The following UTRN variants were observed in gnomAD, a reference collection of about 807,000 sequenced individuals.
UTRN encodes the protein utrophin.
UTRN carries 283 observed loss-of-function variants against 463.9 expected under a neutral mutation model. The ratio of observed to expected loss-of-function variants is 0.61; its 90% confidence interval spans 0.55 to 0.67. The LOEUF is 0.67. Among genes scored for constraint, UTRN ranks in the 30% least tolerant of loss-of-function variants. UTRN has a pLI of 0.00. For synonymous variants in UTRN, 1,442 were observed against 1,431.5 expected (o/e 1.01, Z -0.17); for missense variants, 3,922 against 4,084.3 (o/e 0.96, Z 1.08).
At position 144,714,586 on chromosome 6, in the gene UTRN, A is replaced by C. The variant is rs1786175599; in HGVS notation, c.7809+14343A>C. Among the ~76,000 whole-genome samples the C allele has an allele frequency of 2.0e-5, 3 of 152,320 alleles. No individual in the cohort carries two copies. In the South Asian group the frequency reaches 6.2e-4, roughly 32 times the overall value. The stretch of plus-strand genomic sequence containing the variant: ...TTGAGATTCTTAGTAATATTTGGAC[A>C]AGGGGCCCTGTTACACTGAGGTCTG... On this transcript the variant is annotated intron_variant, in intron 53 of 74. Transcript: ENST00000367545.
intron 12 of UTRN, among the ~76,000 whole-genome samples, 184 bp from the exon 13 acceptor site, chr6:144,440,167 GT>G (rs1432504785): frequency 6.6e-6 from 1 of 152,156 alleles, no homozygotes; most frequent in Non-Finnish European, 1.5e-5. Flanking sequence ...AACTGCCTTT[GT>G]TGATAATGGA....
chr6:144,504,498 G>C (rs1429885839), intron 34 of UTRN, among the ~76,000 whole-genome samples: 1 of 152,040 alleles, frequency 6.6e-6, no homozygotes, highest in Non-Finnish European at 1.5e-5. Flanking sequence ...TGAGATAATC[G>C]TGGTTTGTGT....
intron 2 of UTRN, chr6:144,398,052 G>T: frequency 4.2e-6 from 1 of 238,498 alleles, no homozygotes; most frequent in South Asian, 7.4e-5. Context: ...ATTGGCATTT[G>T]TATTTCAATA....
chr6:144,470,703 C>G (rs949998648), intron 23 of UTRN, among the ~76,000 whole-genome samples: 1 of 151,874 alleles, frequency 6.6e-6, no homozygotes, highest in Non-Finnish European at 1.5e-5. Context: ...TGTAGCGAGC[C>G]GAGATCACGC....
Position 144,364,601 on chromosome 6 carries a change from C to T in UTRN, c.80-38522C>T, listed in dbSNP as rs73780544. On this transcript the variant is annotated intron_variant, in intron 2 of 74. Transcript: ENST00000367545. ...GACTGAGAAGCGTTGCAGATGAGTC[C>T]GTGTATTTGTTTCATTTTGTGATTG... is the stretch of plus-strand genomic sequence containing the variant. 5.9e-5 allele frequency among the ~76,000 whole-genome samples: 9 copies of T among 152,164 alleles called. No individual in the cohort carries two copies. In the South Asian group the frequency reaches 6.2e-4, roughly 11 times the overall value.
At chr6:144,604,039 A>G (rs1562636478) in intron 51 of UTRN, among the ~76,000 whole-genome samples, 1 of 152,110 alleles carries the variant, frequency 6.6e-6, no homozygotes. Flanking sequence ...CTTCCTTGTA[A>G]TTCCAGATCC....
At chr6:144,731,855 ATTTCT>A (rs1788559238) in intron 54 of UTRN, among the ~76,000 whole-genome samples, 1 of 132,676 alleles carries the variant, frequency 7.5e-6, no homozygotes, top group Non-Finnish European at 1.5e-5. Context: ...CATAATTATT[ATTTCT>A]TTTCTTTTTC....
intron 2 of UTRN, among the ~76,000 whole-genome samples, chr6:144,370,468 G>A (rs1222672056): frequency 1.3e-5 from 2 of 152,208 alleles, no homozygotes; most frequent in African/African-American, 2.4e-5. Flanking sequence ...GATTTCAGAG[G>A]ATGTATGGAA....
chr6:144,762,962 G>A (rs1202716207), intron 58 of UTRN, among the ~76,000 whole-genome samples: 2 of 152,124 alleles, frequency 1.3e-5, no homozygotes, highest in Non-Finnish European at 2.9e-5. Flanking sequence ...TAAGCCTTTA[G>A]TCTTGCTACA....
intron 33 of UTRN, among the ~76,000 whole-genome samples, chr6:144,498,725 G>A (rs1304648203): frequency 6.6e-6 from 1 of 151,912 alleles, no homozygotes; most frequent in East Asian, 1.9e-4. Flanking sequence ...CAGGATCACG[G>A]CTCACTGCAG....
At chr6:144,507,995 G>T (rs1429733059) in intron 34 of UTRN, among the ~76,000 whole-genome samples, 1 of 152,190 alleles carries the variant, frequency 6.6e-6, no homozygotes, top group Non-Finnish European at 1.5e-5. Flanking sequence ...GCTGTGGTGG[G>T]TTCTGCCCAG....
At chr6:144,378,502 A>G (rs1045813098) in intron 2 of UTRN, among the ~76,000 whole-genome samples, 1 of 152,226 alleles carries the variant, frequency 6.6e-6, no homozygotes, top group African/African-American at 2.4e-5. Flanking sequence ...TCTGAAGAGA[A>G]GATGTTTAAA....
chr6:144,447,586 A>G lies in UTRN; in HGVS notation c.1723-16A>G. 1 of 1,610,168 alleles carries G rather than the reference A, an allele frequency of 6.2e-7. No homozygotes were observed. Among genetic ancestry groups the G allele is most frequent in the Non-Finnish European group, 8.5e-7 (1 of 1,179,156 alleles). On this transcript the variant is annotated splice_polypyrimidine_tract_variant and intron_variant, in intron 15 of 74. Transcript: ENST00000367545. Reference sequence around the variant, plus strand: ...CCTGTTAAAAAGAGTCATCTAATAAATATCTGAAATACTAGATTTTGAAGG... The same window carrying G: ...CCTGTTAAAAAGAGTCATCTAATAAGTATCTGAAATACTAGATTTTGAAGG...
At chr6:144,689,652 C>T (rs1277617805) in intron 52 of UTRN, among the ~76,000 whole-genome samples, 1 of 152,214 alleles carries the variant, frequency 6.6e-6, no homozygotes, top group African/African-American at 2.4e-5. Context: ...GTGACCTGTC[C>T]TGAAGTCTCA....
chr6:144,296,298 C>T (rs1008641642), intron 2 of UTRN, among the ~76,000 whole-genome samples: 11 of 152,150 alleles, frequency 7.2e-5, no homozygotes, highest in Non-Finnish European at 1.2e-4. Flanking sequence ...TATGGTGAAC[C>T]GCACATGCGA....
chr6:144,802,893 CA>C, intron 64 of UTRN, 142 bp from the exon 65 acceptor site: 2 of 445,568 alleles, frequency 4.5e-6, no homozygotes, highest in Non-Finnish European at 7.7e-6. Flanking sequence ...CATGTATAAA[CA>C]GATAGAAGCA....
In UTRN at chr6:144,484,759, A is replaced by G. The variant is rs73600776; in HGVS notation, c.3688-626A>G. Among the ~76,000 whole-genome samples, 328 of 152,078 alleles carry G rather than the reference A, an allele frequency of 2.2e-3. 3 individuals carry two copies. The highest frequency in any genetic ancestry group is 7.7e-3 in the African/African-American group (318 of 41,474). On this transcript the variant is annotated intron_variant, in intron 27 of 74. Transcript: ENST00000367545. ...CACTTGGTCTTTAAAAAACAAACTA[A>G]ATAATGTTTCTCTCCTGTTTTTCTT...
At chr6:144,313,902 A>G (rs1431539357) in intron 2 of UTRN, among the ~76,000 whole-genome samples, 1 of 151,916 alleles carries the variant, frequency 6.6e-6, no homozygotes, top group Non-Finnish European at 1.5e-5. Context: ...AGTTCTTAAA[A>G]TTTTCCCTTT....
chr6:144,510,116 T>C (rs996425670), intron 34 of UTRN, among the ~76,000 whole-genome samples: 2 of 152,208 alleles, frequency 1.3e-5, no homozygotes, highest in African/African-American at 2.4e-5. Context: ...AATGTAGAAA[T>C]ATAAACTTGA....
Sources: gnomAD v4.1 joint callset for allele counts (sites outside exome capture counted in the v4.1 genomes callset) on GRCh38, gnomAD v4.1.1 for gene constraint, MANE v1.5 for transcripts, NCBI Gene and HGNC (gene_info 2026-07-23, HGNC 2026-07-21) for gene names.